ATP1B1: variants seen among roughly 807,000 people sequenced by gnomAD.
ATP1B1 encodes the protein sodium/potassium-transporting ATPase subunit beta-1.
A neutral mutation model predicts 39.6 loss-of-function variants in ATP1B1; 3 were observed. The observed-to-expected ratio is 0.08, with a 90% confidence interval of 0.03 to 0.20. The LOEUF (loss-of-function observed/expected upper bound fraction) is 0.20, where lower values mean the gene tolerates loss of function less well. ATP1B1 is among the 10% of genes least tolerant of loss of function. The pLI is 1.00. For missense variants in ATP1B1, 216 were observed against 371.1 expected, an observed-to-expected ratio of 0.58 and a Z score of 3.43; for synonymous variants, 139 against 135.0, an observed-to-expected ratio of 1.03 and a Z score of -0.20.
At chr1:169,124,780 A>G in intron 2 of ATP1B1, 104 bp from the exon 3 acceptor site, 2 of 1,320,822 alleles carry the variant, frequency 1.5e-6, no homozygotes, top group South Asian at 2.7e-5. Flanking sequence ...CTTTCTTTTT[A>G]GCCAAGTGGA....
At chr1:169,124,835 G>C (rs1658053701) in intron 2 of ATP1B1, 49 bp from the exon 3 acceptor site, 2 of 1,583,374 alleles carry the variant, frequency 1.3e-6, no homozygotes, top group African/African-American at 2.7e-5. Flanking sequence ...CTTTTGAATT[G>C]TCTTCGTTTC....
At position 169,131,720 on chromosome 1, in the gene ATP1B1, G is replaced by T. The variant is rs764733211; in HGVS notation, c.*165G>T. Reference sequence around the variant, plus strand: ...TTAATAGGTTAGAATGTAAATTAAAGTGTAGCAATAGCAACAAAATATTTA... The same window carrying T: ...TTAATAGGTTAGAATGTAAATTAAATTGTAGCAATAGCAACAAAATATTTA... On this transcript the variant is annotated 3_prime_UTR_variant, in exon 6 of 6. Coordinates refer to ENST00000367815, the MANE Select transcript of ATP1B1 (RefSeq NM_001677.4). This position sits in a 1 kb window ranked among gnomAD's most constrained non-coding sequence, Gnocchi z 4.4. 2.4e-6 allele frequency: 2 copies of T among 819,870 alleles called. No homozygotes were observed. Among genetic ancestry groups the T allele is most frequent in the Non-Finnish European group, 3.6e-6 (2 of 555,254 alleles). 50.8% of individuals were successfully genotyped at this position (819,870 alleles called of 1,614,324 possible).
chr1:169,119,768 C>A (rs961205483), intron 2 of ATP1B1, among the ~76,000 whole-genome samples: 3 of 151,954 alleles, frequency 2.0e-5, no homozygotes, highest in African/African-American at 7.3e-5. Context: ...TTTACTAACC[C>A]TGCTAAACCC....
chr1:169,121,125 T>G (rs965576591), intron 2 of ATP1B1, among the ~76,000 whole-genome samples: 2 of 152,054 alleles, frequency 1.3e-5, no homozygotes, highest in African/African-American at 4.8e-5. Context: ...TTTTGTGTTT[T>G]TAGTAGAGAT....
At chr1:169,123,585 C>CTATATA (rs377350232) in intron 2 of ATP1B1, among the ~76,000 whole-genome samples, 5 of 137,928 alleles carry the variant, frequency 3.6e-5, no homozygotes, top group African/African-American at 1.3e-4. Flanking sequence ...ATCTCTCTCT[C>CTATATA]TATATATATA....
intron 2 of ATP1B1, among the ~76,000 whole-genome samples, chr1:169,118,160 A>G (rs920642355): frequency 6.6e-6 from 1 of 152,214 alleles, no homozygotes; most frequent in Non-Finnish European, 1.5e-5. Flanking sequence ...ACTGAACTAA[A>G]TAACTCCCTG....
chr1:169,125,906 T>G (rs1303753242), intron 3 of ATP1B1, among the ~76,000 whole-genome samples: 1 of 151,982 alleles, frequency 6.6e-6, no homozygotes, highest in East Asian at 1.9e-4. Flanking sequence ...GCCTGGGAGG[T>G]CGAGGCTGCA....
At chr1:169,107,922 A>G (rs1036931702) in intron 1 of ATP1B1, 2 of 152,300 alleles carry the variant, frequency 1.3e-5, no homozygotes, top group African/African-American at 4.8e-5. Context: ...GACCATCACC[A>G]CCAACACCAC....
rs1483334576 is a variant in ATP1B1 at position 169,111,350 on chromosome 1, T to C, written c.98-20T>C. On this transcript the variant is annotated intron_variant, in intron 1 of 5. Coordinates refer to ENST00000367815, the MANE Select transcript of ATP1B1 (RefSeq NM_001677.4). ...AGCATATGACTGCATCACAGCTTTT[T>C]GTTTCTGTTCTTCTTGCAGTTAAGA... The C allele has an allele frequency of 1.2e-6, 2 of 1,613,806 alleles. No individual in the cohort carries two copies. The highest frequency in any genetic ancestry group is 1.7e-5 in the Admixed American group (1 of 60,012).
chr1:169,110,628 A>G, intron 1 of ATP1B1: 1 of 1,250,354 alleles, frequency 8.0e-7, no homozygotes, highest in Non-Finnish European at 1.0e-6. Context: ...TGTCTTGTTA[A>G]CTATGGGAAA....
At chr1:169,129,870 C>T in intron 4 of ATP1B1, 140 bp from the exon 5 acceptor site, 2 of 681,622 alleles carry the variant, frequency 2.9e-6, no homozygotes, top group South Asian at 2.5e-5. Context: ...GTCATTCATT[C>T]TGCTGTCCTG....
intron 2 of ATP1B1, among the ~76,000 whole-genome samples, chr1:169,121,868 T>A (rs563702688): frequency 1.3e-5 from 2 of 152,306 alleles, no homozygotes; most frequent in East Asian, 3.9e-4. Context: ...ACAGCTTGCA[T>A]AATTGTTGTT....
rs967776061 is a variant in ATP1B1, at chr1:169,131,821, C to T, written c.*266C>T. 6.6e-6 allele frequency: 3 copies of T among 455,118 alleles called. No homozygotes were observed. Among genetic ancestry groups the T allele is most frequent in the Non-Finnish European group, 3.9e-6 (1 of 256,682 alleles). 28.2% of individuals were successfully genotyped at this position (455,118 alleles called of 1,614,324 possible). A position where few individuals can be genotyped will look rare whatever the true frequency, so the allele number is the denominator to read the frequency against. The stretch of plus-strand genomic sequence containing the variant: ...CCATTTTTACTGTAAATTATGATTC[C>T]GTAACTGACTTGTAGTAAGCAGTGT... On this transcript the variant is annotated 3_prime_UTR_variant, in exon 6 of 6. Coordinates refer to ENST00000367815, the MANE Select transcript of ATP1B1 (RefSeq NM_001677.4). This position sits in a 1 kb window ranked among gnomAD's most constrained non-coding sequence, Gnocchi z 4.4.
chr1:169,126,347 G>GTA (rs34020851), intron 3 of ATP1B1, among the ~76,000 whole-genome samples: 83,662 of 151,886 alleles, frequency 0.55, 23,717 homozygotes, highest in East Asian at 0.82. Flanking sequence ...ATAAATTATG[G>GTA]TTTGCATTAT....
At chr1:169,128,922 A>G (rs1488991906) in intron 4 of ATP1B1, among the ~76,000 whole-genome samples, 1 of 151,954 alleles carries the variant, frequency 6.6e-6, no homozygotes, top group Non-Finnish European at 1.5e-5. Flanking sequence ...TTGGTTATCC[A>G]TTGCCACTGC....
Position 169,114,862 on chromosome 1 carries a change from C to A in ATP1B1, c.226+3364C>A, listed in dbSNP as rs941881486. Reference sequence around the variant, plus strand: ...AACATAGCAAGACCCCATATCCACACACACACAAAAAATTTTTTTAAGTCT... The same window carrying A: ...AACATAGCAAGACCCCATATCCACAAACACACAAAAAATTTTTTTAAGTCT... On this transcript the variant is annotated intron_variant, in intron 2 of 5. Coordinates refer to ENST00000367815, the MANE Select transcript of ATP1B1 (RefSeq NM_001677.4). Among the ~76,000 whole-genome samples the A allele has an allele frequency of 4.6e-5, 7 of 151,638 alleles. No homozygotes were observed. The East Asian group carries it at 1.2e-3, about 25-fold the overall frequency.
intron 2 of ATP1B1, among the ~76,000 whole-genome samples, chr1:169,112,275 T>C (rs1381953824): frequency 6.6e-6 from 1 of 152,236 alleles, no homozygotes; most frequent in East Asian, 1.9e-4. Flanking sequence ...TAGAGCTATG[T>C]GTGTCCACAC....
At chr1:169,123,954 AGT>A (rs1658037727) in intron 2 of ATP1B1, among the ~76,000 whole-genome samples, 1 of 152,234 alleles carries the variant, frequency 6.6e-6, no homozygotes, top group South Asian at 2.1e-4. Flanking sequence ...TTTAAATGTA[AGT>A]GTGTCCCACA....
intron 2 of ATP1B1, among the ~76,000 whole-genome samples, chr1:169,117,851 A>G (rs1228468653): frequency 6.6e-6 from 1 of 152,248 alleles, no homozygotes; most frequent in Non-Finnish European, 1.5e-5. Flanking sequence ...TTTTTCCCAC[A>G]TACATGCATG....
Sources: allele counts gnomAD v4.1 joint callset (sites outside exome capture counted in the v4.1 genomes callset), GRCh38; gene constraint gnomAD v4.1.1; non-coding constraint Gnocchi (gnomAD v3.1); transcripts MANE v1.5; gene names NCBI Gene and HGNC (gene_info 2026-07-23, HGNC 2026-07-21).